Variants in CA3 observed in about 807,000 individuals in gnomAD.
The protein encoded by CA3 is carbonic anhydrase 3.
Under a neutral mutation model 35.7 loss-of-function variants are expected in CA3, and 30 were observed. The ratio of observed to expected loss-of-function variants is 0.84; its 90% CI spans 0.63 to 1.14. CA3 has a LOEUF of 1.14. Ranked by LOEUF, CA3 falls within the 50% of genes most tolerant of loss-of-function variation. CA3 has a pLI of 0.00. For synonymous variants in CA3, 131 were observed against 130.8 expected (o/e 1.00, Z -0.01); for missense variants, 295 against 328.5 (o/e 0.90, Z 0.79).
chr8:85,446,875 G>T (rs1406427979), intron 6 of CA3, among the ~76,000 whole-genome samples: 2 of 152,064 alleles, frequency 1.3e-5, no homozygotes, highest in Non-Finnish European at 2.9e-5. Context: ...GAGTGTCCTG[G>T]TAACATTCAT....
chr8:85,438,898 A>G lies in CA3; in HGVS notation c.-12A>G. 1 of 1,551,058 alleles carries G rather than the reference A, an allele frequency of 6.4e-7. No homozygotes were observed. Among genetic ancestry groups the G allele is most frequent in the African/African-American group, 1.4e-5 (1 of 73,172 alleles). On this transcript the variant is annotated 5_prime_UTR_variant, in exon 1 of 7. Coordinates refer to ENST00000285381, the MANE Select transcript of CA3 (RefSeq NM_005181.4). ...AGAAAGCAGGAGCCGTCCAGCACGGAGGAAGGCGACCATGGCCAAGGAGTG... is the reference window on the plus strand; with the variant it reads ...AGAAAGCAGGAGCCGTCCAGCACGGGGGAAGGCGACCATGGCCAAGGAGTG...
intron 2 of CA3, 36 bp downstream of exon 2, chr8:85,439,945 T>C (rs1222686201): frequency 6.6e-7 from 1 of 1,524,660 alleles, no homozygotes; most frequent in Admixed American, 1.7e-5. Flanking sequence ...ACATGGATGT[T>C]TTCAAGGTCC....
At chr8:85,441,874 A>C (rs1346738780) in intron 2 of CA3, 199 bp from the exon 3 acceptor site, 1 of 550,842 alleles carries the variant, frequency 1.8e-6, no homozygotes, top group Admixed American at 3.1e-5. Context: ...TAAGAAAGAC[A>C]GAAAAGAACA....
intron 2 of CA3, among the ~76,000 whole-genome samples, chr8:85,441,098 A>AGACCCTGT: frequency 1.3e-5 from 2 of 152,192 alleles, no homozygotes; most frequent in African/African-American, 4.8e-5. Flanking sequence ...ACCTGAACAA[A>AGACCCTGT]CTCATATAGG....
rs1457265352 is a variant in CA3, at chr8:85,443,995, C to A, written c.352-39C>A. On this transcript the variant is annotated intron_variant, in intron 3 of 6. Transcript: ENST00000285381. The stretch of plus-strand genomic sequence containing the variant: ...ATAATGTTGTACTTATTTCCATATT[C>A]CAGGAATTTACCTTCTAATCTGTCT... 3 of 1,320,998 alleles carry A rather than the reference C, an allele frequency of 2.3e-6. No individual in the cohort carries two copies. In the Admixed American group the frequency reaches 5.0e-5, roughly 22 times the overall value. The allele number at this position is 1,320,998 out of a possible 1,614,324, so 81.8% of individuals were successfully genotyped here. A position where few individuals can be genotyped will look rare whatever the true frequency, so the allele number is the denominator to read the frequency against.
At chr8:85,441,803 T>C in intron 2 of CA3, 1 of 408,886 alleles carries the variant, frequency 2.4e-6, no homozygotes, top group Non-Finnish European at 4.6e-6. Context: ...TCTGTTGTTT[T>C]AATTTTGCTT....
chr8:85,443,896 C>T (rs1811241020), intron 3 of CA3, 138 bp from the exon 4 acceptor site: 1 of 655,860 alleles, frequency 1.5e-6, no homozygotes, highest in Non-Finnish European at 2.7e-6. Context: ...TTACATGCTA[C>T]TCTTTCAAAT....
In CA3 at chr8:85,439,764, G is replaced by T; in HGVS notation, c.87G>T (p.Ser29=). ...LFPNAKGENQ[S]PVELHTKDIR... ...CAAATGCCAAGGGGGAAAACCAGTC[G>T]CCCGTTGAGCTGCATACTAAAGACA... The change falls in exon 2 of 7, where the codon TCG becomes TCT. Residue 29 remains serine, a synonymous_variant. Transcript: ENST00000285381. 6.2e-7 allele frequency: 1 copy of T among 1,613,908 alleles called. No homozygotes were observed. Among genetic ancestry groups the T allele is most frequent in the South Asian group, 1.1e-5 (1 of 91,078 alleles).
chr8:85,445,808 G>C (rs1811280696), intron 5 of CA3, among the ~76,000 whole-genome samples: 1 of 151,960 alleles, frequency 6.6e-6, no homozygotes, highest in African/African-American at 2.4e-5. Context: ...GTATCATCAA[G>C]AACAAAACAT....
At chr8:85,447,903 A>C in intron 6 of CA3, 131 bp from the exon 7 acceptor site, 1 of 749,110 alleles carries the variant, frequency 1.3e-6, no homozygotes, top group African/African-American at 1.9e-5. Context: ...TGTCTCAAAA[A>C]CAAACAAACA....
chr8:85,439,973 T>A (rs999073777), intron 2 of CA3, 64 bp downstream of exon 2: 4 of 1,280,282 alleles, frequency 3.1e-6, no homozygotes, highest in Middle Eastern at 2.5e-4. Flanking sequence ...CAAAATGTGG[T>A]TTATGACACA....
At position 85,438,945 on chromosome 8, in the gene CA3, T is replaced by C; in HGVS notation, c.34+2T>C. ...AGTGGGGCTACGCCAGTCACAACGG[T>C]GAGTGCAGGCAGCCGCGACCCGGCC... is the stretch of plus-strand genomic sequence containing the variant. On this transcript the variant is annotated splice_donor_variant, in intron 1 of 6. Transcript: ENST00000285381. LOFTEE classifies it high-confidence loss of function. 1 of 1,551,022 alleles carries C rather than the reference T, an allele frequency of 6.4e-7. No homozygotes were observed. The highest frequency in any genetic ancestry group is 8.7e-7 in the Non-Finnish European group (1 of 1,146,934).
intron 5 of CA3, among the ~76,000 whole-genome samples, chr8:85,445,531 C>T (rs568733768): frequency 1.4e-5 from 2 of 141,154 alleles, no homozygotes; most frequent in Non-Finnish European, 3.0e-5. Context: ...CACACACACA[C>T]ACACACACAC....
At chr8:85,441,271 G>A (rs985748224) in intron 2 of CA3, among the ~76,000 whole-genome samples, 1 of 152,182 alleles carries the variant, frequency 6.6e-6, no homozygotes, top group Admixed American at 6.5e-5. Context: ...TACTTTGGAA[G>A]ACATTTGAAC....
intron 6 of CA3, 129 bp downstream of exon 6, chr8:85,446,426 T>C: frequency 9.2e-7 from 1 of 1,085,822 alleles, no homozygotes. Flanking sequence ...AATTTCATGG[T>C]CTGCCCTGGT....
At chr8:85,446,433 T>A in intron 6 of CA3, 136 bp downstream of exon 6, 1 of 1,019,446 alleles carries the variant, frequency 9.8e-7, no homozygotes, top group Non-Finnish European at 1.4e-6. Context: ...TGGTCTGCCC[T>A]GGTTAATTAC....
In CA3 at chr8:85,442,127, A is replaced by G. The variant is rs759303266; in HGVS notation, c.287A>G (p.His96Arg). The change falls in exon 3 of 7, where the codon CAC becomes CGC. Residue 96 changes from histidine to arginine, a missense_variant. By Grantham distance (29) the His-to-Arg change is conservative. Coordinates refer to ENST00000285381, the MANE Select transcript of CA3 (RefSeq NM_005181.4). ...TACCGACTTCGCCAGTTTCATCTTC[A>G]CTGGGGCTCTTCGGATGATCATGGC... ...GPYRLRQFHL[H>R]WGSSDDHGSE... 5.6e-6 allele frequency: 9 copies of G among 1,612,016 alleles called. No individual in the cohort carries two copies. The highest frequency in any genetic ancestry group is 7.6e-6 in the Non-Finnish European group (9 of 1,178,162).
chr8:85,445,262 T>C (rs759969528), intron 5 of CA3, 44 bp downstream of exon 5: 5 of 1,289,478 alleles, frequency 3.9e-6, no homozygotes, highest in Non-Finnish European at 4.4e-6. Flanking sequence ...AAGCAGATTA[T>C]GCAGATTTTC....
rs1440252525 is a variant in CA3 at position 85,448,849 on chromosome 8, G to T, written c.*696G>T. 1 of 152,128 alleles carries T rather than the reference G, an allele frequency of 6.6e-6. No individual in the cohort carries two copies. Among genetic ancestry groups the T allele is most frequent in the African/African-American group, 2.4e-5 (1 of 41,436 alleles). 9.4% of individuals were successfully genotyped at this position (152,128 alleles called of 1,614,324 possible). ...TTTATCCTAGTATTTTTCTTTACCTGAAGGAGGGCCATTTATTTTTAATTT... is the reference window on the plus strand; with the variant it reads ...TTTATCCTAGTATTTTTCTTTACCTTAAGGAGGGCCATTTATTTTTAATTT... On this transcript the variant is annotated 3_prime_UTR_variant, in exon 7 of 7. Transcript: ENST00000285381.
Sources: allele counts gnomAD v4.1 joint callset (sites outside exome capture counted in the v4.1 genomes callset), GRCh38; gene constraint gnomAD v4.1.1; transcripts MANE v1.5; gene names NCBI Gene and HGNC (gene_info 2026-07-23, HGNC 2026-07-21).